TGFBR2: variants seen among roughly 807,000 people sequenced by gnomAD.
TGFBR2 encodes the protein transforming growth factor beta receptor 2.
TGFBR2 carries 18 observed loss-of-function variants against 49.0 expected under a neutral mutation model. That is an observed-to-expected ratio of 0.37 (90% CI 0.25 to 0.54). TGFBR2 has a LOEUF of 0.54. Ranked by LOEUF, TGFBR2 falls within the 20% of genes least tolerant of loss-of-function variation. TGFBR2 has a pLI of 0.85. For missense variants in TGFBR2, 525 were observed against 722.6 expected (o/e 0.73, Z 3.13); for synonymous variants, 282 against 275.9 (o/e 1.02, Z -0.22).
At chr3:30,651,208 A>G (rs1239395169) in intron 3 of TGFBR2, among the ~76,000 whole-genome samples, 1 of 152,210 alleles carries the variant, frequency 6.6e-6, no homozygotes, top group Non-Finnish European at 1.5e-5. Flanking sequence ...GTCATCAAAA[A>G]TTTCAAACAA....
rs753781287 is a variant in TGFBR2, at chr3:30,606,961, G to A, written c.78G>A (p.Pro26=). Residue 26 remains proline (P), a synonymous_variant, in exon 1 of 7, where the codon CCG becomes CCA. Transcript: ENST00000295754. ...CGCGTATCGCCAGCACGATCCCACC[G>A]CACGTTCAGAAGTCGGGTGAGTGGT... ...LWTRIASTIP[P]HVQKSVNNDM... 48 of 1,600,440 alleles carry A rather than the reference G, an allele frequency of 3.0e-5. No individual in the cohort carries two copies. Among genetic ancestry groups the A allele is most frequent in the Non-Finnish European group, 3.6e-5 (42 of 1,173,836 alleles).
At chr3:30,619,718 C>T (rs9790292) in intron 1 of TGFBR2, among the ~76,000 whole-genome samples, 62,796 of 151,906 alleles carry the variant, frequency 0.41, 13,274 homozygotes, top group Non-Finnish European at 0.45. Context: ...TGCCCTACAA[C>T]GGCTCCACCC....
chr3:30,647,307 T>C (rs1238509349), intron 2 of TGFBR2, among the ~76,000 whole-genome samples: 2 of 152,228 alleles, frequency 1.3e-5, no homozygotes, highest in Non-Finnish European at 2.9e-5. Flanking sequence ...TTCCAAGGCA[T>C]TCACTGAGGC....
intron 4 of TGFBR2, 70 bp from the exon 5 acceptor site, chr3:30,674,035 C>A (rs1699388165): frequency 1.3e-6 from 2 of 1,596,074 alleles, no homozygotes; most frequent in Admixed American, 1.7e-5. Context: ...GGGCCACCAT[C>A]AGCTATATTG....
At chr3:30,613,571 A>C (rs866422381) in intron 1 of TGFBR2, among the ~76,000 whole-genome samples, 59 of 152,116 alleles carry the variant, frequency 3.9e-4, no homozygotes, top group Middle Eastern at 3.4e-3. Flanking sequence ...AGAGACAGAG[A>C]GCGAGCTTGG....
At chr3:30,624,314 A>G (rs1191389896) in intron 1 of TGFBR2, among the ~76,000 whole-genome samples, 2 of 152,146 alleles carry the variant, frequency 1.3e-5, no homozygotes, top group Non-Finnish European at 2.9e-5. Flanking sequence ...TTTCAAAGAA[A>G]ATGGCTAAGA....
At chr3:30,607,799 A>T (rs193088269) in intron 1 of TGFBR2, among the ~76,000 whole-genome samples, 9,451 of 138,168 alleles carry the variant, frequency 0.068, 352 homozygotes, top group African/African-American at 0.076. Flanking sequence ...AAAATAAAAA[A>T]ATATATATAT....
At chr3:30,689,567 G>T (rs914436844) in intron 6 of TGFBR2, among the ~76,000 whole-genome samples, 1 of 152,212 alleles carries the variant, frequency 6.6e-6, no homozygotes, top group Non-Finnish European at 1.5e-5. Flanking sequence ...GCCAGTCCTG[G>T]CCCAGAGCCA....
At chr3:30,647,851 G>C (rs924276438) in intron 2 of TGFBR2, among the ~76,000 whole-genome samples, 1 of 151,890 alleles carries the variant, frequency 6.6e-6, no homozygotes, top group Admixed American at 6.6e-5. Flanking sequence ...CTAATTTTTT[G>C]TATTTTTAGT....
At chr3:30,629,349 T>A (rs1698394843) in intron 1 of TGFBR2, among the ~76,000 whole-genome samples, 1 of 152,202 alleles carries the variant, frequency 6.6e-6, no homozygotes, top group African/African-American at 2.4e-5. Flanking sequence ...TTGGGAGAGT[T>A]CTCTTGGCTC....
intron 1 of TGFBR2, among the ~76,000 whole-genome samples, chr3:30,614,115 CTTTT>C (rs5847643): frequency 8.3e-6 from 1 of 120,618 alleles, no homozygotes; most frequent in Non-Finnish European, 1.7e-5. Context: ...TTTTTCTTTC[CTTTT>C]TTTTTTTTTT....
At position 30,671,733 on chromosome 3, in the gene TGFBR2, A is replaced by C. The variant is rs1371905176; in HGVS notation, c.550A>C (p.Ile184Leu). Residue 184 changes from isoleucine (I) to leucine (L), a missense_variant, in exon 4 of 7, where the codon ATC (isoleucine) becomes CTC (leucine). Ile to Leu is a conservative substitution (Grantham distance 5). This residue lies in a region of TGFBR2 where 376 missense variants were observed against 478.2 expected (regional missense o/e 0.79). Transcript: ENST00000295754. The stretch of plus-strand genomic sequence containing the variant: ...ACTGGGAGTTGCCATATCTGTCATC[A>C]TCATCTTCTACTGCTACCGCGTTAA... ...PPLGVAISVI[I>L]IFYCYRVNRQ... 1.2e-6 allele frequency: 2 copies of C among 1,614,070 alleles called. No homozygotes were observed. Among genetic ancestry groups the C allele is most frequent in the Non-Finnish European group, 1.7e-6 (2 of 1,180,038 alleles).
intron 3 of TGFBR2, among the ~76,000 whole-genome samples, chr3:30,665,606 C>T (rs1244047773): frequency 6.6e-6 from 1 of 152,212 alleles, no homozygotes; most frequent in African/African-American, 2.4e-5. Flanking sequence ...CCACAGTTGT[C>T]CATGTGCAGC....
chr3:30,625,768 A>G (rs1698321568), intron 1 of TGFBR2, among the ~76,000 whole-genome samples: 2 of 152,156 alleles, frequency 1.3e-5, no homozygotes, highest in Admixed American at 1.3e-4. Context: ...TTGTACATGT[A>G]TATGTATATA....
chr3:30,643,222 C>G (rs1022255106), intron 1 of TGFBR2, among the ~76,000 whole-genome samples: 1 of 152,192 alleles, frequency 6.6e-6, no homozygotes, highest in Non-Finnish European at 1.5e-5. Context: ...TTAGGCCTCT[C>G]TAAGGGTTAT....
At chr3:30,684,795 G>T (rs1186269665) in intron 5 of TGFBR2, among the ~76,000 whole-genome samples, 1 of 152,140 alleles carries the variant, frequency 6.6e-6, no homozygotes, top group Non-Finnish European at 1.5e-5. Context: ...GTTTTGGGAA[G>T]GGATTATTGC....
chr3:30,669,080 A>T (rs1370406746), intron 3 of TGFBR2, among the ~76,000 whole-genome samples: 1 of 135,408 alleles, frequency 7.4e-6, no homozygotes, highest in South Asian at 2.4e-4. Context: ...GTTCAAGACC[A>T]GCCTGGCCAA....
intron 1 of TGFBR2, among the ~76,000 whole-genome samples, chr3:30,626,065 G>C (rs1028162064): frequency 6.6e-6 from 1 of 152,194 alleles, no homozygotes; most frequent in Non-Finnish European, 1.5e-5. Flanking sequence ...TTGCCCTGGG[G>C]TAGGACTTTG....
At chr3:30,679,659 T>G (rs972461400) in intron 5 of TGFBR2, among the ~76,000 whole-genome samples, 3 of 152,166 alleles carry the variant, frequency 2.0e-5, no homozygotes, top group African/African-American at 7.2e-5. Context: ...CTACCAAAAC[T>G]CTTTGAGGCC....
Sources: allele counts gnomAD v4.1 joint callset (sites outside exome capture counted in the v4.1 genomes callset), GRCh38; gene constraint gnomAD v4.1.1; regional missense constraint gnomAD v4.1.1; transcripts MANE v1.5; gene names NCBI Gene and HGNC (gene_info 2026-07-23, HGNC 2026-07-21).